Variants in KCNJ16 observed in about 807,000 individuals in gnomAD.
KCNJ16 encodes the protein potassium inwardly rectifying channel subfamily J member 16.
Under a neutral mutation model 18.5 loss-of-function variants are expected in KCNJ16, and 15 were observed. The observed-to-expected ratio is 0.81, with a 90% CI of 0.54 to 1.25. The LOEUF (loss-of-function observed/expected upper bound fraction) is 1.25. Ranked by LOEUF, KCNJ16 falls within the 50% of genes most tolerant of loss-of-function variation. The pLI is 0.00. For missense variants in KCNJ16, 523 were observed against 525.7 expected (o/e 0.99, Z 0.05); for synonymous variants, 174 against 186.5 (o/e 0.93, Z 0.55).
In KCNJ16 at chr17:70,134,381, G is replaced by T. The variant is rs2074162638; in HGVS notation, c.*1037G>T. 6.0e-6 allele frequency: 1 copy of T among 167,042 alleles called. No homozygotes were observed. The highest frequency in any genetic ancestry group is 1.5e-5 in the Non-Finnish European group (1 of 68,116). The allele number at this position is 167,042 out of a possible 1,614,324, so 10.3% of individuals were successfully genotyped here. A position where few individuals can be genotyped will look rare whatever the true frequency, so the allele number is the denominator to read the frequency against. The stretch of plus-strand genomic sequence containing the variant: ...GCTTCTTGTCTTGGTTACTGTACAA[G>T]ATACAAATGACTCGAGTTGTGGATT... On this transcript the variant is annotated 3_prime_UTR_variant, in exon 4 of 4. Transcript: ENST00000392671.
intron 1 of KCNJ16, among the ~76,000 whole-genome samples, chr17:70,092,275 A>G (rs776338302): frequency 3.9e-5 from 6 of 152,190 alleles, no homozygotes; most frequent in Non-Finnish European, 8.8e-5. Flanking sequence ...CCAAGAAAAT[A>G]TGGATCTGTA....
At chr17:70,121,987 G>A (rs555012840) in intron 2 of KCNJ16, among the ~76,000 whole-genome samples, 8 of 152,116 alleles carry the variant, frequency 5.3e-5, no homozygotes, top group African/African-American at 1.7e-4. Context: ...ATAGACTGAC[G>A]TGTAGGAAGG....
At chr17:70,128,317 A>T (rs1465613946) in intron 2 of KCNJ16, among the ~76,000 whole-genome samples, 1 of 152,246 alleles carries the variant, frequency 6.6e-6, no homozygotes, top group Non-Finnish European at 1.5e-5. Context: ...TACTGGTCAC[A>T]GTAGATTAAG....
chr17:70,096,479 A>G (rs2072379501), intron 1 of KCNJ16, among the ~76,000 whole-genome samples: 1 of 147,340 alleles, frequency 6.8e-6, no homozygotes, highest in Admixed American at 6.8e-5. Context: ...TTTATTTAAA[A>G]ATTTTTATAG....
rs1304913472 is a variant in KCNJ16 at position 70,100,003 on chromosome 17, T to G, written c.-299-655T>G. On this transcript the variant is annotated intron_variant, in intron 1 of 3. Transcript: ENST00000392671. ...AATAACTTTAGAATCATAAGTAGTGTGAGAGATCTACAGGAGGAAAGTCCG... is the reference window on the plus strand; with the variant it reads ...AATAACTTTAGAATCATAAGTAGTGGGAGAGATCTACAGGAGGAAAGTCCG... 3.9e-5 allele frequency among the ~76,000 whole-genome samples: 6 copies of G among 152,084 alleles called. 1 individual carries two copies. Among genetic ancestry groups the G allele is most frequent in the Admixed American group, 3.9e-4 (6 of 15,264 alleles).
chr17:70,117,661 A>T (rs1367942786), intron 2 of KCNJ16, among the ~76,000 whole-genome samples: 1 of 152,174 alleles, frequency 6.6e-6, no homozygotes, highest in South Asian at 2.1e-4. Context: ...CTTATGAGTG[A>T]TGAAATTTCC....
chr17:70,124,329 T>C (rs1457770624), intron 2 of KCNJ16, among the ~76,000 whole-genome samples: 1 of 152,170 alleles, frequency 6.6e-6, no homozygotes, highest in Non-Finnish European at 1.5e-5. Context: ...ATGGTTTTCA[T>C]GTTTGTTGAT....
chr17:70,129,933 T>A (rs1174713358), intron 2 of KCNJ16, among the ~76,000 whole-genome samples: 2 of 151,444 alleles, frequency 1.3e-5, no homozygotes, highest in Admixed American at 1.3e-4. Flanking sequence ...TTTATTTATT[T>A]ATTTATTTAT....
In KCNJ16 at chr17:70,132,389, A is replaced by T. The variant is rs961377170; in HGVS notation, c.302A>T (p.Asp101Val). ...TGGCTCATAGCCTTTCATCATGGCG[A>T]TCTATTAAATGATCCAGACATCACA... is the stretch of plus-strand genomic sequence containing the variant. ...VFWLIAFHHGDLLNDPDITPC... is the reference protein window; with the variant it reads ...VFWLIAFHHGVLLNDPDITPC... Residue 101 changes from aspartate to valine, a missense_variant, in exon 4 of 4, where the codon GAT (aspartate) becomes GTT (valine). Asp to Val is a radical substitution (Grantham distance 152, BLOSUM62 -3). Transcript: ENST00000392671. 6.2e-7 allele frequency: 1 copy of T among 1,614,000 alleles called. No individual in the cohort carries two copies. The highest frequency in any genetic ancestry group is 1.3e-5 in the African/African-American group (1 of 74,910).
At chr17:70,082,314 A>C (rs2071590210) in intron 1 of KCNJ16, among the ~76,000 whole-genome samples, 1 of 152,190 alleles carries the variant, frequency 6.6e-6, no homozygotes, top group Non-Finnish European at 1.5e-5. Flanking sequence ...GTGTGAAGAT[A>C]AAAGCAGAGT....
Position 70,134,293 on chromosome 17 carries a change from G to A in KCNJ16, c.*949G>A, listed in dbSNP as rs184101075. On this transcript the variant is annotated 3_prime_UTR_variant, in exon 4 of 4. Coordinates refer to ENST00000392671, the MANE Select transcript of KCNJ16 (RefSeq NM_170741.4). ...AACTTTGGCTGCTACAGAAAGGATA[G>A]AACCTTTTTGGGGGGAGGGTGGGGA... The A allele has an allele frequency of 6.6e-6, 1 of 151,342 alleles. No individual in the cohort carries two copies. Among genetic ancestry groups the A allele is most frequent in the African/African-American group, 2.7e-5 (1 of 37,434 alleles). 9.4% of individuals were successfully genotyped at this position (151,342 alleles called of 1,614,324 possible). A position where few individuals can be genotyped will look rare whatever the true frequency, so the allele number is the denominator to read the frequency against.
chr17:70,131,571 A>C (rs1228749059), intron 3 of KCNJ16: 14 of 696,422 alleles, frequency 2.0e-5, no homozygotes, highest in Non-Finnish European at 2.3e-5. Context: ...TTTAAGGAAA[A>C]ACCTGATTTA....
chr17:70,132,956 G>A lies in KCNJ16; in HGVS notation c.869G>A (p.Gly290Glu). The change falls in exon 4 of 4, where the codon GGA becomes GAA. Residue 290 changes from glycine (G) to glutamate (E), a missense_variant. By Grantham distance (98) the Gly-to-Glu change is moderately conservative (BLOSUM62 -2). Coordinates refer to ENST00000392671, the MANE Select transcript of KCNJ16 (RefSeq NM_170741.4). The stretch of plus-strand genomic sequence containing the variant: ...TTTATCTATACTGGTGATTCCACTG[G>A]AACATCTCACCAATCTAGAAGCTCC... ...VTFIYTGDST[G>E]TSHQSRSSYV... 1 of 1,614,098 alleles carries A rather than the reference G, an allele frequency of 6.2e-7. No individual in the cohort carries two copies. The highest frequency in any genetic ancestry group is 2.2e-5 in the East Asian group (1 of 44,878).
chr17:70,104,525 C>T (rs532570092), intron 2 of KCNJ16, among the ~76,000 whole-genome samples: 1 of 152,294 alleles, frequency 6.6e-6, no homozygotes, highest in East Asian at 1.9e-4. Context: ...ATAGAAAAAT[C>T]TTTGCTGTCA....
chr17:70,132,900 A>G lies in KCNJ16; in HGVS notation c.813A>G (p.Val271=). ...TGTATGCCCTTGACCGCAAAGCAGT[A>G]GCCAAAGATAACTTTGAGATTTTGG... ...SPLYALDRKA[V]AKDNFEILVT... Residue 271 remains valine, a synonymous_variant, in exon 4 of 4, where the codon GTA becomes GTG. Coordinates refer to ENST00000392671, the MANE Select transcript of KCNJ16 (RefSeq NM_170741.4). The G allele has an allele frequency of 6.2e-7, 1 of 1,614,208 alleles. No homozygotes were observed. The highest frequency in any genetic ancestry group is 8.5e-7 in the Non-Finnish European group (1 of 1,180,024).
At chr17:70,129,905 T>C (rs774663326) in intron 2 of KCNJ16, among the ~76,000 whole-genome samples, 78 of 15,480 alleles carry the variant, frequency 5.0e-3, no homozygotes, top group East Asian at 0.014. Context: ...ACCTTTCATT[T>C]ATTTATTTAT....
intron 2 of KCNJ16, among the ~76,000 whole-genome samples, chr17:70,106,610 C>T (rs1425968830): frequency 1.3e-5 from 2 of 152,180 alleles, no homozygotes; most frequent in Non-Finnish European, 2.9e-5. Flanking sequence ...AGATGGGATA[C>T]AGTTGCAATA....
intron 1 of KCNJ16, among the ~76,000 whole-genome samples, chr17:70,076,321 A>G (rs1210652854): frequency 6.6e-6 from 1 of 152,154 alleles, no homozygotes; most frequent in African/African-American, 2.4e-5. Context: ...GCCACTCTTT[A>G]TGTCAGATTT....
At chr17:70,077,868 G>GAA (rs1262423239) in intron 1 of KCNJ16, among the ~76,000 whole-genome samples, 2 of 140,010 alleles carry the variant, frequency 1.4e-5, no homozygotes, top group African/African-American at 2.6e-5. Flanking sequence ...CCCAGATTCA[G>GAA]AAAAAAAAAA....
Sources: gnomAD v4.1 joint callset for allele counts (sites outside exome capture counted in the v4.1 genomes callset) on GRCh38, gnomAD v4.1.1 for gene constraint, MANE v1.5 for transcripts, NCBI Gene and HGNC (gene_info 2026-07-23, HGNC 2026-07-21) for gene names.